The following AGPAT3 variants were observed in gnomAD, a reference collection of about 807,000 sequenced individuals.
AGPAT3 encodes 1-acylglycerol-3-phosphate O-acyltransferase 3.
A neutral mutation model predicts 47.3 loss-of-function variants in AGPAT3; 5 were observed. That is an observed-to-expected ratio of 0.11 (90% confidence interval 0.06 to 0.22). The LOEUF (loss-of-function observed/expected upper bound fraction) is 0.22. Among genes scored for constraint, AGPAT3 ranks in the 10% least tolerant of loss-of-function variants. The pLI is 1.00. For missense variants in AGPAT3, 315 were observed against 493.0 expected, an observed-to-expected ratio of 0.64 and a Z score of 3.42; for synonymous variants, 212 against 208.3, an observed-to-expected ratio of 1.02 and a Z score of -0.15.
intron 1 of AGPAT3, among the ~76,000 whole-genome samples, chr21:43,877,955 C>T (rs368776511): frequency 3.3e-5 from 5 of 152,062 alleles, no homozygotes; most frequent in South Asian, 2.1e-4. Flanking sequence ...TCCCCTTGCC[C>T]GCCTCCTGCC....
intron 2 of AGPAT3, among the ~76,000 whole-genome samples, chr21:43,956,336 G>A (rs1177335627): frequency 6.6e-6 from 1 of 152,192 alleles, no homozygotes; most frequent in Non-Finnish European, 1.5e-5. Context: ...ATCTGGACTG[G>A]CACTGGCTCT....
intron 2 of AGPAT3, among the ~76,000 whole-genome samples, chr21:43,918,308 T>C (rs1312384596): frequency 6.6e-6 from 1 of 150,572 alleles, no homozygotes; most frequent in Admixed American, 6.6e-5. Flanking sequence ...TGTGGATCAA[T>C]TGTTGTCTCT....
rs1444535562 is a variant in AGPAT3, at chr21:43,954,583, A to C, written c.-48-5051A>C. Reference sequence around the variant, plus strand: ...GGACGTAGAGGTTGATGATCCGGGCAGGTGGCCTTCAGCGAGGGAGCACGT... The same window carrying C: ...GGACGTAGAGGTTGATGATCCGGGCCGGTGGCCTTCAGCGAGGGAGCACGT... On this transcript the variant is annotated intron_variant, in intron 2 of 9. Coordinates refer to ENST00000291572, the MANE Select transcript of AGPAT3 (RefSeq NM_020132.5). This position sits in a 1 kb window ranked among gnomAD's most constrained non-coding sequence, Gnocchi z 4.0. 3 of 152,376 alleles carry C rather than the reference A, an allele frequency of 2.0e-5. No homozygotes were observed. The highest frequency in any genetic ancestry group is 6.5e-5 in the Admixed American group (1 of 15,296). 9.4% of individuals were successfully genotyped at this position (152,376 alleles called of 1,614,324 possible). A position where few individuals can be genotyped will look rare whatever the true frequency, so the allele number is the denominator to read the frequency against.
intron 1 of AGPAT3, among the ~76,000 whole-genome samples, chr21:43,892,033 A>G (rs2086112998): frequency 6.6e-6 from 1 of 152,144 alleles, no homozygotes; most frequent in Non-Finnish European, 1.5e-5. Context: ...ACGGCTGGGC[A>G]TGGTGGCTCA....
chr21:43,908,836 C>T lies in AGPAT3; in HGVS notation c.-49+4817C>T, dbSNP rs961001911. ...TTCATTTCCTTCCATCCCTGTGGAG[C>T]GAACCCTGTTGTTTGCATTTTTTGG... On this transcript the variant is annotated intron_variant, in intron 2 of 9. Transcript: ENST00000291572. The surrounding 1 kb of genome is among the most constrained non-coding windows in gnomAD (Gnocchi z 4.9). Among the ~76,000 whole-genome samples, 1 of 152,194 alleles carries T rather than the reference C, an allele frequency of 6.6e-6. No individual in the cohort carries two copies. The highest frequency in any genetic ancestry group is 1.5e-5 in the Non-Finnish European group (1 of 68,028).
Position 43,932,351 on chromosome 21 carries a change from C to T in AGPAT3, c.-48-27283C>T, listed in dbSNP as rs1464505126. 2.6e-5 allele frequency among the ~76,000 whole-genome samples: 4 copies of T among 152,132 alleles called. No individual in the cohort carries two copies. The highest frequency in any genetic ancestry group is 4.4e-5 in the Non-Finnish European group (3 of 68,028). Reference sequence around the variant, plus strand: ...TTCCGATTCCTCGTGTGAGTGAGGTCGTGCAGGACTTGTCGTTCTGTGACT... The same window carrying T: ...TTCCGATTCCTCGTGTGAGTGAGGTTGTGCAGGACTTGTCGTTCTGTGACT... On this transcript the variant is annotated intron_variant, in intron 2 of 9. Transcript: ENST00000291572. The surrounding 1 kb of genome is among the most constrained non-coding windows in gnomAD (Gnocchi z 5.2).
At chr21:43,968,539 C>G (rs974894895) in intron 4 of AGPAT3, among the ~76,000 whole-genome samples, 13 of 151,196 alleles carry the variant, frequency 8.6e-5, no homozygotes, top group African/African-American at 2.9e-4. Flanking sequence ...GAGCAGGGGA[C>G]TCCCTGAGGA....
intron 1 of AGPAT3, among the ~76,000 whole-genome samples, chr21:43,884,426 C>T (rs918117199): frequency 9.2e-5 from 14 of 152,128 alleles, no homozygotes; most frequent in South Asian, 2.1e-4. Flanking sequence ...TTCTGCTGTG[C>T]GGAGCATGGC....
At chr21:43,980,572 C>T (rs2089811908) in intron 8 of AGPAT3, among the ~76,000 whole-genome samples, 1 of 152,234 alleles carries the variant, frequency 6.6e-6, no homozygotes, top group African/African-American at 2.4e-5. Flanking sequence ...GGCCGTGCAG[C>T]TGAGAGTGCG....
At position 43,970,868 on chromosome 21, in the gene AGPAT3, TAAA is replaced by T; in HGVS notation, c.664+74_664+76del. 2.4e-5 allele frequency: 28 copies of T among 1,147,088 alleles called. No homozygotes were observed. Among genetic ancestry groups the T allele is most frequent in the Admixed American group, 3.3e-5 (1 of 30,158 alleles). 71.1% of individuals were successfully genotyped at this position (1,147,088 alleles called of 1,614,324 possible). On this transcript the variant is annotated intron_variant, in intron 6 of 9. Transcript: ENST00000291572. The surrounding 1 kb of genome is among the most constrained non-coding windows in gnomAD (Gnocchi z 5.8). ...TGCTCACGGAAAATAGTGATTTCTTTAAAAAAAAAAAAAATGAGTGCATTCCAT... is the reference window on the plus strand; with the variant it reads ...TGCTCACGGAAAATAGTGATTTCTTTAAAAAAAAAAATGAGTGCATTCCAT...
rs1248391373 is a variant in AGPAT3, at chr21:43,920,118, G to A, written c.-49+16099G>A. ...GCACTGCAGGCGGGGGTGTGACCACGTCCGCACCCCTCCCAGAGTGCGAGG... is the reference window on the plus strand; with the variant it reads ...GCACTGCAGGCGGGGGTGTGACCACATCCGCACCCCTCCCAGAGTGCGAGG... On this transcript the variant is annotated intron_variant, in intron 2 of 9. Coordinates refer to ENST00000291572, the MANE Select transcript of AGPAT3 (RefSeq NM_020132.5). The surrounding 1 kb of genome is among the most constrained non-coding windows in gnomAD (Gnocchi z 6.1). Among the ~76,000 whole-genome samples the A allele has an allele frequency of 1.3e-5, 2 of 152,148 alleles. No homozygotes were observed. The highest frequency in any genetic ancestry group is 2.9e-5 in the Non-Finnish European group (2 of 68,026).
At chr21:43,888,184 T>G (rs1386625591) in intron 1 of AGPAT3, among the ~76,000 whole-genome samples, 1 of 152,118 alleles carries the variant, frequency 6.6e-6, no homozygotes, top group Non-Finnish European at 1.5e-5. Context: ...GCACTACAGG[T>G]GCACACCACC....
At chr21:43,881,758 C>G (rs558126151) in intron 1 of AGPAT3, among the ~76,000 whole-genome samples, 95 of 152,280 alleles carry the variant, frequency 6.2e-4, no homozygotes, top group Middle Eastern at 3.4e-3. Flanking sequence ...TGAGTTCAAG[C>G]CATTCTCCTG....
chr21:43,881,391 A>G (rs999907975), intron 1 of AGPAT3, among the ~76,000 whole-genome samples: 1 of 152,190 alleles, frequency 6.6e-6, no homozygotes, highest in African/African-American at 2.4e-5. Flanking sequence ...GCAGACAGAA[A>G]AGGGAGGTGG....
At chr21:43,938,493 C>T (rs1181275246) in intron 2 of AGPAT3, among the ~76,000 whole-genome samples, 1 of 151,938 alleles carries the variant, frequency 6.6e-6, no homozygotes, top group East Asian at 1.9e-4. Context: ...AGGGTTTCAC[C>T]ATGTTGGCCA....
In AGPAT3 at chr21:43,981,658, G is replaced by A. The variant is rs1243531485; in HGVS notation, c.1042+471G>A. Among the ~76,000 whole-genome samples, 3 of 152,062 alleles carry A rather than the reference G, an allele frequency of 2.0e-5. No individual in the cohort carries two copies. The highest frequency in any genetic ancestry group is 6.5e-5 in the Admixed American group (1 of 15,278). Reference sequence around the variant, plus strand: ...ACGACTCATCAGCTAGCCTGGGGCCGAACAGACACCCAGCCTGTCCCTGTG... The same window carrying A: ...ACGACTCATCAGCTAGCCTGGGGCCAAACAGACACCCAGCCTGTCCCTGTG... On this transcript the variant is annotated intron_variant, in intron 9 of 9. Coordinates refer to ENST00000291572, the MANE Select transcript of AGPAT3 (RefSeq NM_020132.5). The surrounding 1 kb of genome is among the most constrained non-coding windows in gnomAD (Gnocchi z 5.3).
chr21:43,866,120 GT>G (rs751185123), intron 1 of AGPAT3, among the ~76,000 whole-genome samples: 1,461 of 132,336 alleles, frequency 0.011, 10 homozygotes, highest in African/African-American at 0.031. Flanking sequence ...ATGGTGCAGT[GT>G]TTTTTTTTTT....
In AGPAT3 at chr21:43,922,133, G is replaced by A. The variant is rs959997460; in HGVS notation, c.-49+18114G>A. Among the ~76,000 whole-genome samples the A allele has an allele frequency of 6.6e-6, 1 of 152,206 alleles. No homozygotes were observed. Among genetic ancestry groups the A allele is most frequent in the Non-Finnish European group, 1.5e-5 (1 of 68,046 alleles). ...TTTTTTGGAAGTCACCTGGGGACGG[G>A]GATGAGTCACCCGGGGGCCTTGGTG... On this transcript the variant is annotated intron_variant, in intron 2 of 9. Transcript: ENST00000291572. The surrounding 1 kb of genome is among the most constrained non-coding windows in gnomAD (Gnocchi z 4.9).
At position 43,971,614 on chromosome 21, in the gene AGPAT3, C is replaced by A. The variant is rs1034775189; in HGVS notation, c.767+124C>A. 9.7e-6 allele frequency: 8 copies of A among 823,126 alleles called. No homozygotes were observed. The African/African-American group carries it at 1.0e-4, about 10-fold the overall frequency. The allele number at this position is 823,126 out of a possible 1,614,324, so 51.0% of individuals were successfully genotyped here. ...CCACAGCCCCGCAGGGTGGAACTCACACGGAAGGCCTGTCTGCAGCCCTGC... is the reference window on the plus strand; with the variant it reads ...CCACAGCCCCGCAGGGTGGAACTCAAACGGAAGGCCTGTCTGCAGCCCTGC... On this transcript the variant is annotated intron_variant, in intron 7 of 9. Coordinates refer to ENST00000291572, the MANE Select transcript of AGPAT3 (RefSeq NM_020132.5).
Sources: gnomAD v4.1 joint callset for allele counts (sites outside exome capture counted in the v4.1 genomes callset) on GRCh38, gnomAD v4.1.1 for gene constraint, Gnocchi (gnomAD v3.1) non-coding constraint, MANE v1.5 for transcripts, NCBI Gene and HGNC (gene_info 2026-07-23, HGNC 2026-07-21) for gene names.